NWD2: variants seen among roughly 807,000 people sequenced by gnomAD.
NWD2 encodes the protein NACHT and WD repeat domain-containing protein 2.
In NWD2, 37 loss-of-function variants were observed where a neutral mutation model predicts 132.7. The ratio of observed to expected loss-of-function variants is 0.28; its 90% CI spans 0.21 to 0.37. NWD2 has a LOEUF of 0.37. Among genes scored for constraint, NWD2 ranks in the 10% least tolerant of loss-of-function variants. NWD2 has a pLI of 1.00. For missense variants in NWD2, 1,592 were observed against 2,122.4 expected (o/e 0.75, Z 4.91); for synonymous variants, 705 against 803.0 (o/e 0.88, Z 2.06).
In NWD2 at chr4:37,439,800, T is replaced by C. The variant is rs1463360596; in HGVS notation, c.1296+410T>C. On this transcript the variant is annotated intron_variant, in intron 6 of 6. Coordinates refer to ENST00000309447, the MANE Select transcript of NWD2 (RefSeq NM_001144990.2). The surrounding 1 kb of genome is among the most constrained non-coding windows in gnomAD (Gnocchi z 4.5). ...GCTAAGGTAAAAATGAAAATATCAG[T>C]CTACACCTTTCTTCCCCATCTGGGG... Among the ~76,000 whole-genome samples the C allele has an allele frequency of 1.3e-5, 2 of 152,206 alleles. No homozygotes were observed. Among genetic ancestry groups the C allele is most frequent in the Non-Finnish European group, 2.9e-5 (2 of 68,036 alleles).
chr4:37,307,050 G>A (rs1310820394), intron 1 of NWD2, among the ~76,000 whole-genome samples: 3 of 151,480 alleles, frequency 2.0e-5, no homozygotes, highest in Non-Finnish European at 4.4e-5. Flanking sequence ...AATGTTCTAT[G>A]TACTGATGAG....
intron 2 of NWD2, among the ~76,000 whole-genome samples, chr4:37,337,201 G>C (rs1396426227): frequency 6.6e-6 from 1 of 152,190 alleles, no homozygotes; most frequent in African/African-American, 2.4e-5. Flanking sequence ...GAAATCAAGA[G>C]AGGCACATGA....
At chr4:37,399,933 G>T (rs944262368) in intron 3 of NWD2, among the ~76,000 whole-genome samples, 2 of 152,172 alleles carry the variant, frequency 1.3e-5, no homozygotes, top group African/African-American at 4.8e-5. Context: ...TGCATGCTCA[G>T]GTTCGAGTAT....
At chr4:37,261,409 G>A (rs1047290727) in intron 1 of NWD2, among the ~76,000 whole-genome samples, 3 of 152,152 alleles carry the variant, frequency 2.0e-5, no homozygotes, top group Non-Finnish European at 4.4e-5. Context: ...TTAGGAGGCC[G>A]TATTTATCAT....
chr4:37,406,764 C>T lies in NWD2; in HGVS notation c.358-23808C>T, dbSNP rs543136322. Among the ~76,000 whole-genome samples the T allele has an allele frequency of 1.1e-4, 16 of 152,138 alleles. No individual in the cohort carries two copies. The South Asian group carries it at 1.7e-3, about 16-fold the overall frequency. ...ATACAAAAGTAGCCAGGTGTGGTGG[C>T]GCATACCTATAATCCCAGCTACTTG... is the stretch of plus-strand genomic sequence containing the variant. On this transcript the variant is annotated intron_variant, in intron 3 of 6. Transcript: ENST00000309447.
chr4:37,409,591 T>C (rs1195807183), intron 3 of NWD2, among the ~76,000 whole-genome samples: 1 of 152,138 alleles, frequency 6.6e-6, no homozygotes, highest in African/African-American at 2.4e-5. Context: ...TTCAGGATAT[T>C]ATCCAGGAGA....
chr4:37,399,615 G>T (rs529708404), intron 3 of NWD2, among the ~76,000 whole-genome samples: 12 of 152,206 alleles, frequency 7.9e-5, no homozygotes, highest in Admixed American at 7.9e-4. Flanking sequence ...CTCCAATTCT[G>T]CCTATTGTTG....
chr4:37,328,247 T>TTTA (rs1719214251), intron 2 of NWD2, among the ~76,000 whole-genome samples: 1 of 152,054 alleles, frequency 6.6e-6, no homozygotes, highest in South Asian at 2.1e-4. Flanking sequence ...TGCTTTTCTT[T>TTTA]TTATTATTAT....
chr4:37,349,312 G>A (rs757174428), intron 2 of NWD2, among the ~76,000 whole-genome samples: 25 of 152,110 alleles, frequency 1.6e-4, no homozygotes, highest in Admixed American at 1.3e-3. Context: ...GCGTGAAAGC[G>A]TTCTGACTTT....
chr4:37,271,506 T>C (rs1469386948), intron 1 of NWD2, among the ~76,000 whole-genome samples: 1 of 151,860 alleles, frequency 6.6e-6, no homozygotes, highest in African/African-American at 2.4e-5. Context: ...ACTTCTAGTA[T>C]ATAAAAATAG....
intron 3 of NWD2, among the ~76,000 whole-genome samples, chr4:37,404,124 G>A (rs550079068): frequency 6.6e-6 from 1 of 152,248 alleles, no homozygotes; most frequent in East Asian, 1.9e-4. Flanking sequence ...TAATGGACAG[G>A]ATTTTGAACT....
chr4:37,444,317 C>T lies in NWD2; in HGVS notation c.2329C>T (p.Leu777Phe). ...WSGGRRKAFCLEDPYLNGCLD... is the reference protein window; with the variant it reads ...WSGGRRKAFCFEDPYLNGCLD... ...AGGGGGCAGGAGGAAAGCCTTCTGC[C>T]TTGAGGACCCCTACTTGAATGGCTG... The change falls in exon 7 of 7, where the codon CTT (leucine) becomes TTT (phenylalanine). Residue 777 changes from leucine to phenylalanine, a missense_variant. Leu to Phe is a conservative substitution (Grantham distance 22). Transcript: ENST00000309447. This position sits in a 1 kb window ranked among gnomAD's most constrained non-coding sequence, Gnocchi z 4.8. 1 of 1,551,720 alleles carries T rather than the reference C, an allele frequency of 6.4e-7. No individual in the cohort carries two copies. The highest frequency in any genetic ancestry group is 1.2e-5 in the South Asian group (1 of 84,044).
rs890362531 is a variant in NWD2, at chr4:37,258,988, C to T, written c.151+13770C>T. 2.6e-5 allele frequency among the ~76,000 whole-genome samples: 4 copies of T among 152,224 alleles called. No homozygotes were observed. In the East Asian group the frequency reaches 5.8e-4, roughly 22 times the overall value. ...GGTGGGTAAGCACAGGGAGTCCCCT[C>T]TTAACACTCCACGGACCTCAAAATG... On this transcript the variant is annotated intron_variant, in intron 1 of 6. Coordinates refer to ENST00000309447, the MANE Select transcript of NWD2 (RefSeq NM_001144990.2).
chr4:37,253,695 G>C (rs765774642), intron 1 of NWD2, among the ~76,000 whole-genome samples: 1 of 152,180 alleles, frequency 6.6e-6, no homozygotes, highest in South Asian at 2.1e-4. Context: ...GAATACATCC[G>C]TAAGGTAAGT....
Position 37,433,985 on chromosome 4 carries a change from T to C in NWD2, c.671T>C (p.Met224Thr). 6.4e-7 allele frequency: 1 copy of C among 1,550,504 alleles called. No individual in the cohort carries two copies. Among genetic ancestry groups the C allele is most frequent in the Non-Finnish European group, 8.7e-7 (1 of 1,146,256 alleles). ...AVKLLHEKGK[M>T]KHSQAKRYLF... is the part of the protein sequence containing the mutation. Reference sequence around the variant, plus strand: ...AAGCTGTTACACGAAAAGGGTAAAATGAAACACAGCCAGGCTAAGAGGTAC... The same window carrying C: ...AAGCTGTTACACGAAAAGGGTAAAACGAAACACAGCCAGGCTAAGAGGTAC... Residue 224 changes from methionine to threonine, a missense_variant, in exon 5 of 7, where the codon ATG (methionine) becomes ACG (threonine). By Grantham distance (81) the Met-to-Thr change is moderately conservative (BLOSUM62 -1). Transcript: ENST00000309447.
At chr4:37,392,234 G>A (rs1427904655) in intron 3 of NWD2, among the ~76,000 whole-genome samples, 1 of 152,050 alleles carries the variant, frequency 6.6e-6, no homozygotes, top group African/African-American at 2.4e-5. Context: ...ATGAATAAAG[G>A]TAAAAGCAAA....
At chr4:37,343,176 A>G (rs140930126) in intron 2 of NWD2, among the ~76,000 whole-genome samples, 3 of 152,330 alleles carry the variant, frequency 2.0e-5, no homozygotes, top group Admixed American at 6.5e-5. Flanking sequence ...TCTGAGTTTT[A>G]AGACTTCTCT....
chr4:37,434,111 AT>A, intron 5 of NWD2, 91 bp downstream of exon 5: 1 of 717,512 alleles, frequency 1.4e-6, no homozygotes, highest in Non-Finnish European at 2.1e-6. Context: ...ATTTAATCTC[AT>A]TTACTGCCTG....
chr4:37,328,384 A>G (rs1424366111), intron 2 of NWD2, among the ~76,000 whole-genome samples: 3 of 152,002 alleles, frequency 2.0e-5, no homozygotes, highest in Non-Finnish European at 4.4e-5. Flanking sequence ...TCCTAATGCT[A>G]TCACTCCCCT....
Sources: allele counts gnomAD v4.1 joint callset (sites outside exome capture counted in the v4.1 genomes callset), GRCh38; gene constraint gnomAD v4.1.1; non-coding constraint Gnocchi (gnomAD v3.1); transcripts MANE v1.5; gene names NCBI Gene and HGNC (gene_info 2026-07-23, HGNC 2026-07-21).